The following RAD51B variants were observed in gnomAD, a reference collection of about 807,000 sequenced individuals.
RAD51B encodes DNA repair protein RAD51 homolog 2.
Under a neutral mutation model 42.2 loss-of-function variants are expected in RAD51B, and 38 were observed. That is an observed-to-expected ratio of 0.90 (90% CI 0.70 to 1.18). The LOEUF is 1.18. RAD51B is among the 50% of genes most tolerant of loss of function. RAD51B has a pLI of 0.00. For synonymous variants in RAD51B, 154 were observed against 145.2 expected (o/e 1.06, Z -0.43); for missense variants, 373 against 400.7 (o/e 0.93, Z 0.59).
intron 4 of RAD51B, among the ~76,000 whole-genome samples, chr14:67,860,266 T>G (rs180860234): frequency 2.4e-4 from 36 of 152,356 alleles, no homozygotes; most frequent in African/African-American, 8.2e-4. Flanking sequence ...AGGCTCAGAT[T>G]ATCATAGTAG....
At chr14:68,199,620 T>A (rs993131093) in intron 7 of RAD51B, among the ~76,000 whole-genome samples, 2 of 152,232 alleles carry the variant, frequency 1.3e-5, no homozygotes, top group African/African-American at 4.8e-5. Context: ...GTGCTGGTTT[T>A]AAGTTTCTGA....
intron 7 of RAD51B, among the ~76,000 whole-genome samples, chr14:67,973,110 A>G (rs1456178612): frequency 1.3e-5 from 2 of 152,048 alleles, no homozygotes; most frequent in Non-Finnish European, 2.9e-5. Context: ...CTTATAATCA[A>G]CCATATCTAA....
chr14:68,120,968 A>G (rs1445139072), intron 7 of RAD51B, among the ~76,000 whole-genome samples: 1 of 152,188 alleles, frequency 6.6e-6, no homozygotes. Flanking sequence ...GTGATGTACT[A>G]GTCTTCTGTC....
At chr14:68,540,554 T>C in intron 10 of RAD51B, 1 of 985,360 alleles carries the variant, frequency 1.0e-6, no homozygotes, top group Non-Finnish European at 1.2e-6. Context: ...AAACAATAAG[T>C]ATTTGCAAAA....
intron 9 of RAD51B, among the ~76,000 whole-genome samples, chr14:68,429,708 C>T (rs968343700): frequency 3.1e-4 from 47 of 152,154 alleles, no homozygotes; most frequent in African/African-American, 1.1e-3. Context: ...TGCCTGTTCA[C>T]TCTGATGGTA....
chr14:68,364,787 A>G (rs1161271946), intron 8 of RAD51B, among the ~76,000 whole-genome samples: 5 of 152,204 alleles, frequency 3.3e-5, no homozygotes, highest in South Asian at 2.1e-4. Context: ...GGCAACTTCA[A>G]TTGAAGACAT....
At chr14:68,464,969 G>C (rs1429482513) in intron 9 of RAD51B, among the ~76,000 whole-genome samples, 2 of 152,202 alleles carry the variant, frequency 1.3e-5, no homozygotes, top group Non-Finnish European at 2.9e-5. Context: ...CTGGGGTTCA[G>C]GGCTTGCTCA....
At chr14:67,967,836 C>T (rs2074814328) in intron 7 of RAD51B, among the ~76,000 whole-genome samples, 1 of 152,158 alleles carries the variant, frequency 6.6e-6, no homozygotes, top group Non-Finnish European at 1.5e-5. Context: ...TGGTGGCCCT[C>T]TTCTCATAGC....
intron 7 of RAD51B, among the ~76,000 whole-genome samples, chr14:68,276,269 C>T (rs961356493): frequency 6.6e-6 from 1 of 152,086 alleles, no homozygotes; most frequent in Non-Finnish European, 1.5e-5. Context: ...AAATTGGGCC[C>T]TTCCTTCAAG....
chr14:67,833,386 AAGG>A (rs1239725733), intron 3 of RAD51B, among the ~76,000 whole-genome samples: 1 of 152,180 alleles, frequency 6.6e-6, no homozygotes, highest in African/African-American at 2.4e-5. Flanking sequence ...GAACAAAAAA[AAGG>A]AGAATTTCAG....
chr14:68,428,735 AT>A (rs2084919544), intron 9 of RAD51B, among the ~76,000 whole-genome samples: 1 of 33,064 alleles, frequency 3.0e-5, no homozygotes, highest in Non-Finnish European at 7.2e-5. Context: ...ATATATATAT[AT>A]ATATATATAT....
intron 7 of RAD51B, among the ~76,000 whole-genome samples, chr14:68,260,298 C>CGTGTGTGTGTGTGTGTGTGT (rs71281749): frequency 0.026 from 2,523 of 96,640 alleles, 423 homozygotes; most frequent in African/African-American, 0.12. Flanking sequence ...GCTGAGAGAC[C>CGTGTGTGTGTGTGTGTGTGT]GTGTGTGTGT....
At chr14:67,826,251 A>T (rs902115739) in intron 3 of RAD51B, among the ~76,000 whole-genome samples, 1 of 152,170 alleles carries the variant, frequency 6.6e-6, no homozygotes, top group Non-Finnish European at 1.5e-5. Context: ...GACCTTTACC[A>T]TCATCACTTG....
At chr14:68,212,275 T>C (rs2079726803) in intron 7 of RAD51B, among the ~76,000 whole-genome samples, 1 of 152,236 alleles carries the variant, frequency 6.6e-6, no homozygotes, top group Admixed American at 6.5e-5. Context: ...GTTTGAATAC[T>C]AGGTCAGCCA....
chr14:68,318,196 A>AT (rs1157454415), intron 8 of RAD51B, among the ~76,000 whole-genome samples: 5 of 152,228 alleles, frequency 3.3e-5, no homozygotes, highest in Non-Finnish European at 7.3e-5. Flanking sequence ...TTTGTGCCAG[A>AT]TTTGTAAGCT....
At chr14:68,026,946 C>T (rs2075965830) in intron 7 of RAD51B, among the ~76,000 whole-genome samples, 1 of 152,080 alleles carries the variant, frequency 6.6e-6, no homozygotes, top group East Asian at 1.9e-4. Context: ...ATGTAGGCGC[C>T]ATGCTTAAGG....
intron 8 of RAD51B, among the ~76,000 whole-genome samples, chr14:68,376,135 C>T (rs1176079020): frequency 1.3e-5 from 2 of 152,156 alleles, no homozygotes; most frequent in African/African-American, 4.8e-5. Flanking sequence ...TATTATTTTA[C>T]AGCTCTTATG....
chr14:68,560,176 A>G (rs1197301337), intron 10 of RAD51B, among the ~76,000 whole-genome samples: 1 of 152,136 alleles, frequency 6.6e-6, no homozygotes, highest in Non-Finnish European at 1.5e-5. Flanking sequence ...TTTCCCATCA[A>G]ATGGGCTGAG....
chr14:68,304,172 A>AC (rs1271855683), intron 8 of RAD51B, among the ~76,000 whole-genome samples: 2 of 151,598 alleles, frequency 1.3e-5, no homozygotes, highest in African/African-American at 2.4e-5. Flanking sequence ...TCTGTCTCAA[A>AC]AAAAAAAAAA....
Sources: allele counts gnomAD v4.1 joint callset (sites outside exome capture counted in the v4.1 genomes callset), GRCh38; gene constraint gnomAD v4.1.1; transcripts MANE v1.5; gene names NCBI Gene and HGNC (gene_info 2026-07-23, HGNC 2026-07-21).